TRIM44: variants seen among roughly 807,000 people sequenced by gnomAD.
The protein encoded by TRIM44 is tripartite motif-containing protein 44.
Under a neutral mutation model 37.4 loss-of-function variants are expected in TRIM44, and 13 were observed. The ratio of observed to expected loss-of-function variants is 0.35; its 90% CI spans 0.23 to 0.55. The LOEUF (loss-of-function observed/expected upper bound fraction) is 0.55. TRIM44 is among the 20% of genes least tolerant of loss of function. TRIM44 has a pLI of 0.89. For synonymous variants in TRIM44, 175 were observed against 157.2 expected (o/e 1.11, Z -0.85); for missense variants, 426 against 437.2 (o/e 0.97, Z 0.23).
chr11:35,722,739 T>C (rs769032234), intron 2 of TRIM44, among the ~76,000 whole-genome samples: 2 of 152,184 alleles, frequency 1.3e-5, no homozygotes, highest in Non-Finnish European at 2.9e-5. Flanking sequence ...ACCTGTATCT[T>C]GTGCCGACCT....
rs963082160 is a variant in TRIM44, at chr11:35,755,661, T to C, written c.1007+20216T>C. On this transcript the variant is annotated intron_variant, in intron 4 of 4. Transcript: ENST00000299413. ...AGGTCTAACATGTAAGTCTTTAATC[T>C]ATCTTGAATTAATTTTTGTATAAGG... Among the ~76,000 whole-genome samples the C allele has an allele frequency of 1.8e-3, 279 of 151,634 alleles. 2 individuals carry two copies. Among genetic ancestry groups the C allele is most frequent in the African/African-American group, 6.5e-3 (268 of 41,358 alleles).
chr11:35,738,376 A>G (rs116122729), intron 4 of TRIM44, among the ~76,000 whole-genome samples: 163 of 152,058 alleles, frequency 1.1e-3, no homozygotes, highest in African/African-American at 3.5e-3. Flanking sequence ...TGTAACCAAG[A>G]TGTCAGGCCA....
intron 2 of TRIM44, among the ~76,000 whole-genome samples, chr11:35,703,512 C>G (rs1346119917): frequency 1.3e-5 from 2 of 152,204 alleles, no homozygotes; most frequent in Admixed American, 6.5e-5. Context: ...AGGCACCCCC[C>G]AGTAGGGGTA....
intron 1 of TRIM44, among the ~76,000 whole-genome samples, chr11:35,665,074 A>G (rs772780099): frequency 6.6e-6 from 1 of 152,204 alleles, no homozygotes; most frequent in Non-Finnish European, 1.5e-5. Context: ...CACTTTCATT[A>G]CTATTTCGAA....
At chr11:35,731,097 C>G (rs1852252898) in intron 3 of TRIM44, among the ~76,000 whole-genome samples, 1 of 152,036 alleles carries the variant, frequency 6.6e-6, no homozygotes, top group South Asian at 2.1e-4. Flanking sequence ...TTTGTCTTGT[C>G]TTACTGCAGT....
rs1853592067 is a variant in TRIM44, at chr11:35,817,343, T to C, written c.*10958T>C. 4 of 152,236 alleles carry C rather than the reference T, an allele frequency of 2.6e-5. No individual in the cohort carries two copies. Among genetic ancestry groups the C allele is most frequent in the Non-Finnish European group, 5.9e-5 (4 of 68,038 alleles). The allele number at this position is 152,236 out of a possible 1,614,324, so 9.4% of individuals were successfully genotyped here. A position where few individuals can be genotyped will look rare whatever the true frequency, so the allele number is the denominator to read the frequency against. ...TCCCTGCTCTGCCACTGACAAGTTG[T>C]GTGGCATTTGGCACATCATGTTCTC... is the stretch of plus-strand genomic sequence containing the variant. On this transcript the variant is annotated 3_prime_UTR_variant, in exon 5 of 5. Transcript: ENST00000299413.
rs1469097894 is a variant in TRIM44, at chr11:35,812,779, T to A, written c.*6394T>A. On this transcript the variant is annotated 3_prime_UTR_variant, in exon 5 of 5. Transcript: ENST00000299413. ...TGCCTTTTGCAAAGAAGGTCTTGCT[T>A]TGTATAGCCTGTAAAATGCAATGTA... 2.0e-5 allele frequency: 3 copies of A among 152,214 alleles called. No homozygotes were observed. Among genetic ancestry groups the A allele is most frequent in the African/African-American group, 7.2e-5 (3 of 41,452 alleles). 9.4% of individuals were successfully genotyped at this position (152,214 alleles called of 1,614,324 possible).
At chr11:35,680,741 C>T (rs1015730859) in intron 1 of TRIM44, among the ~76,000 whole-genome samples, 3 of 152,162 alleles carry the variant, frequency 2.0e-5, no homozygotes, top group African/African-American at 7.2e-5. Context: ...ATATATCCAT[C>T]AACAACATAT....
intron 4 of TRIM44, among the ~76,000 whole-genome samples, chr11:35,787,804 C>T (rs913761288): frequency 6.6e-6 from 1 of 152,142 alleles, no homozygotes; most frequent in East Asian, 1.9e-4. Context: ...CTTTTGTGAC[C>T]CGCCTGAACC....
At position 35,663,358 on chromosome 11, in the gene TRIM44, G is replaced by A; in HGVS notation, c.247G>A (p.Val83Ile). Residue 83 changes from valine (V) to isoleucine (I), a missense_variant, in exon 1 of 5, where the codon GTC becomes ATC. By Grantham distance (29) the Val-to-Ile change is conservative. Transcript: ENST00000299413. ...GGGGGCGGGGAAGGAAGAAGCGGAG[G>A]TCAAGGTGGAGCAGGAGAGGGAGAT... Reference protein sequence around the residue: ...GEGAGKEEAEVKVEQEREIES... With the variant: ...GEGAGKEEAEIKVEQEREIES... 3 of 1,613,646 alleles carry A rather than the reference G, an allele frequency of 1.9e-6. No individual in the cohort carries two copies. The highest frequency in any genetic ancestry group is 1.7e-6 in the Non-Finnish European group (2 of 1,179,818).
At chr11:35,682,158 C>T (rs1851527736) in intron 1 of TRIM44, among the ~76,000 whole-genome samples, 1 of 151,930 alleles carries the variant, frequency 6.6e-6, no homozygotes, top group South Asian at 2.1e-4. Context: ...TACCACTCTT[C>T]AAGTACCTAG....
At chr11:35,804,430 A>G (rs1195413540) in intron 4 of TRIM44, among the ~76,000 whole-genome samples, 2 of 152,230 alleles carry the variant, frequency 1.3e-5, no homozygotes, top group African/African-American at 4.8e-5. Context: ...AAAGGAACAC[A>G]CAGATAAAAT....
chr11:35,788,332 G>A (rs1853156536), intron 4 of TRIM44, among the ~76,000 whole-genome samples: 1 of 152,186 alleles, frequency 6.6e-6, no homozygotes, highest in Non-Finnish European at 1.5e-5. Flanking sequence ...TTGTGAAGGA[G>A]GAGTTTAGAA....
chr11:35,689,841 A>C (rs1426991021), intron 2 of TRIM44, among the ~76,000 whole-genome samples: 1 of 152,218 alleles, frequency 6.6e-6, no homozygotes, highest in Non-Finnish European at 1.5e-5. Flanking sequence ...CAAAAGTACA[A>C]CATGCTAAGC....
intron 4 of TRIM44, among the ~76,000 whole-genome samples, chr11:35,740,315 A>G (rs986479556): frequency 1.3e-5 from 2 of 152,012 alleles, no homozygotes; most frequent in African/African-American, 4.8e-5. Flanking sequence ...GGGGGTGGCA[A>G]TAGGATCTGT....
At chr11:35,705,246 A>T (rs1431166487) in intron 2 of TRIM44, among the ~76,000 whole-genome samples, 1 of 152,028 alleles carries the variant, frequency 6.6e-6, no homozygotes, top group Admixed American at 6.6e-5. Context: ...ATACAGGAGC[A>T]CCCAGATTCA....
intron 4 of TRIM44, among the ~76,000 whole-genome samples, chr11:35,762,163 T>C (rs1277458755): frequency 6.6e-6 from 1 of 152,188 alleles, no homozygotes; most frequent in Admixed American, 6.5e-5. Context: ...TGAATGCAAA[T>C]TTATTGTCCT....
intron 2 of TRIM44, among the ~76,000 whole-genome samples, chr11:35,721,957 G>T (rs537006072): frequency 2.0e-5 from 3 of 152,182 alleles, no homozygotes; most frequent in African/African-American, 7.2e-5. Flanking sequence ...CCTCACTGGA[G>T]TCTGGCCTAA....
chr11:35,735,400 A>G, intron 3 of TRIM44, 26 bp from the exon 4 acceptor site: 1 of 1,613,170 alleles, frequency 6.2e-7, no homozygotes, highest in Non-Finnish European at 8.5e-7. Context: ...GATTTCTAAT[A>G]CTGTTTCTTT....
Sources: allele counts gnomAD v4.1 joint callset (sites outside exome capture counted in the v4.1 genomes callset), GRCh38; gene constraint gnomAD v4.1.1; transcripts MANE v1.5; gene names NCBI Gene and HGNC (gene_info 2026-07-23, HGNC 2026-07-21).